The following DGKI variants were observed in gnomAD, a reference collection of about 807,000 sequenced individuals.
DGKI encodes diacylglycerol kinase iota.
In DGKI, 55 loss-of-function variants were observed where a neutral mutation model predicts 147.5. The ratio of observed to expected loss-of-function variants is 0.37; its 90% CI spans 0.30 to 0.47. DGKI has a LOEUF of 0.47. DGKI is among the 20% of genes least tolerant of loss of function. The probability of loss-of-function intolerance (pLI) is 1.00; values close to 1 mark genes in which losing one functional copy is unlikely to be tolerated. For missense variants in DGKI, 1,007 were observed against 1,323.8 expected (o/e 0.76, Z 3.71); for synonymous variants, 469 against 477.1 (o/e 0.98, Z 0.22).
At chr7:137,425,991 G>A (rs1812786503) in intron 28 of DGKI, among the ~76,000 whole-genome samples, 1 of 152,216 alleles carries the variant, frequency 6.6e-6, no homozygotes, top group Admixed American at 6.5e-5. Context: ...TATTATCCAG[G>A]AGAACTTCCC....
chr7:137,525,671 C>T (rs1439603630), intron 20 of DGKI, among the ~76,000 whole-genome samples: 2 of 152,220 alleles, frequency 1.3e-5, no homozygotes, highest in South Asian at 2.1e-4. Flanking sequence ...ATTAAATGAG[C>T]CAATACATGT....
At chr7:137,659,310 G>A (rs527373189) in intron 3 of DGKI, among the ~76,000 whole-genome samples, 11 of 152,268 alleles carry the variant, frequency 7.2e-5, no homozygotes, top group African/African-American at 2.4e-4. Context: ...TAGATTTTTA[G>A]TTCCTTAATT....
chr7:137,773,827 T>C (rs1474966972), intron 1 of DGKI, among the ~76,000 whole-genome samples: 1 of 152,190 alleles, frequency 6.6e-6, no homozygotes. Flanking sequence ...ATTATTTTCA[T>C]TTTATGGATG....
intron 1 of DGKI, among the ~76,000 whole-genome samples, chr7:137,762,758 T>TA (rs1795899456): frequency 6.6e-6 from 1 of 152,214 alleles, no homozygotes; most frequent in Non-Finnish European, 1.5e-5. Context: ...TGTGCTCCTA[T>TA]AGCATCCGGG....
rs539973754 is a variant in DGKI, at chr7:137,621,313, G to C, written c.877-1373C>G. Among the ~76,000 whole-genome samples, 18 of 152,120 alleles carry C rather than the reference G, an allele frequency of 1.2e-4. No individual in the cohort carries two copies. The East Asian group carries it at 2.5e-3, about 21-fold the overall frequency. On this transcript the variant is annotated intron_variant, in intron 7 of 32. Coordinates refer to ENST00000614521, the MANE Select transcript of DGKI (RefSeq NM_001321708.2). ...ATAAACCCTCAAATGTATGACCACTGCATTTCTAAAACATTAGGGATCGCA... is the reference window on the plus strand; with the variant it reads ...ATAAACCCTCAAATGTATGACCACTCCATTTCTAAAACATTAGGGATCGCA...
At chr7:137,587,017 C>T (rs140938395) in intron 13 of DGKI, 80 bp downstream of exon 13, 3 of 1,052,242 alleles carry the variant, frequency 2.9e-6, no homozygotes, top group East Asian at 5.5e-5. Context: ...CAGTACCCCC[C>T]TCTTCCATTA....
intron 12 of DGKI, among the ~76,000 whole-genome samples, chr7:137,590,869 T>G (rs1819584822): frequency 6.6e-6 from 1 of 152,178 alleles, no homozygotes; most frequent in South Asian, 2.1e-4. Flanking sequence ...ATTTTTGCAT[T>G]TTTTGTAGAG....
chr7:137,429,622 C>T (rs1435038812), intron 28 of DGKI, among the ~76,000 whole-genome samples: 1 of 151,914 alleles, frequency 6.6e-6, no homozygotes, highest in Non-Finnish European at 1.5e-5. Context: ...AGGTAACCTA[C>T]AAAATGGGAG....
intron 8 of DGKI, among the ~76,000 whole-genome samples, chr7:137,613,484 G>A (rs1291334676): frequency 6.6e-6 from 1 of 152,100 alleles, no homozygotes; most frequent in East Asian, 1.9e-4. Flanking sequence ...AAAGGAAATG[G>A]TTCAGGCAAT....
intron 23 of DGKI, among the ~76,000 whole-genome samples, chr7:137,477,838 T>C (rs1315267944): frequency 1.3e-5 from 2 of 152,170 alleles, no homozygotes; most frequent in East Asian, 1.9e-4. Context: ...GGGGTTGTTT[T>C]TTTGTACAGA....
chr7:137,493,944 T>TA (rs1457464617), intron 21 of DGKI: 12 of 563,614 alleles, frequency 2.1e-5, no homozygotes, highest in African/African-American at 1.9e-4. Context: ...AATAAAATGA[T>TA]ACAGCAGATG....
intron 19 of DGKI, among the ~76,000 whole-genome samples, chr7:137,554,065 A>G (rs1818139070): frequency 6.6e-6 from 1 of 152,176 alleles, no homozygotes; most frequent in Admixed American, 6.5e-5. Context: ...CAAATATTAC[A>G]AGCAGGTAGA....
chr7:137,717,662 T>C (rs1428166059), intron 1 of DGKI, among the ~76,000 whole-genome samples: 1 of 152,146 alleles, frequency 6.6e-6, no homozygotes, highest in Non-Finnish European at 1.5e-5. Context: ...TTTGGAAATA[T>C]TAAGTTGAAT....
intron 27 of DGKI, among the ~76,000 whole-genome samples, chr7:137,460,020 A>G (rs1325155528): frequency 6.6e-6 from 1 of 152,176 alleles, no homozygotes; most frequent in Non-Finnish European, 1.5e-5. Flanking sequence ...TAGTATTTTC[A>G]GTTCTAAGAA....
chr7:137,393,080 A>G (rs926378463), intron 32 of DGKI, among the ~76,000 whole-genome samples: 1 of 152,222 alleles, frequency 6.6e-6, no homozygotes. Flanking sequence ...GCATATCTAC[A>G]TGTGAAGGGG....
chr7:137,502,662 A>G (rs1011770502), intron 21 of DGKI, among the ~76,000 whole-genome samples: 5 of 152,136 alleles, frequency 3.3e-5, no homozygotes, highest in African/African-American at 1.2e-4. Flanking sequence ...TGAGAGATGG[A>G]TGTCATTATT....
intron 6 of DGKI, among the ~76,000 whole-genome samples, chr7:137,626,987 T>C (rs1820964715): frequency 1.3e-5 from 2 of 152,200 alleles, no homozygotes; most frequent in African/African-American, 4.8e-5. Context: ...TCCCACCAAT[T>C]TTCTGACATC....
At position 137,846,647 on chromosome 7, in the gene DGKI, G is replaced by A. The variant is rs1798745344; in HGVS notation, c.216C>T (p.Ser72=). ...EKGATGGSSS[S]GSGAGSCCLG... ...GGCAGCAGCTCCCGGCGCCGCTTCCGCTGCTGCTGCTGCCGCCCGTCGCCC... is the reference window on the plus strand; with the variant it reads ...GGCAGCAGCTCCCGGCGCCGCTTCCACTGCTGCTGCTGCCGCCCGTCGCCC... Residue 72 remains serine (S), a synonymous_variant, in exon 1 of 33, where the codon AGC becomes AGT. Coordinates refer to ENST00000614521, the MANE Select transcript of DGKI (RefSeq NM_001321708.2). The surrounding 1 kb of genome is among the most constrained non-coding windows in gnomAD (Gnocchi z 4.0). 4 of 1,059,700 alleles carry A rather than the reference G, an allele frequency of 3.8e-6. No individual in the cohort carries two copies. Among genetic ancestry groups the A allele is most frequent in the African/African-American group, 1.7e-5 (1 of 58,172 alleles). The allele number at this position is 1,059,700 out of a possible 1,614,324, so 65.6% of individuals were successfully genotyped here. A position where few individuals can be genotyped will look rare whatever the true frequency, so the allele number is the denominator to read the frequency against.
intron 1 of DGKI, among the ~76,000 whole-genome samples, chr7:137,823,148 T>C (rs1304775500): frequency 2.0e-5 from 3 of 151,938 alleles, no homozygotes; most frequent in Non-Finnish European, 2.9e-5. Flanking sequence ...CATGAATATA[T>C]GTACCTATAC....
Sources: allele counts gnomAD v4.1 joint callset (sites outside exome capture counted in the v4.1 genomes callset), GRCh38; gene constraint gnomAD v4.1.1; non-coding constraint Gnocchi (gnomAD v3.1); transcripts MANE v1.5; gene names NCBI Gene and HGNC (gene_info 2026-07-23, HGNC 2026-07-21).